Variants in C8orf76 observed in about 807,000 individuals in gnomAD.
C8orf76 encodes the protein uncharacterized protein C8orf76.
In C8orf76, 46 loss-of-function variants were observed where a neutral mutation model predicts 38.1. The ratio of observed to expected loss-of-function variants is 1.21; its 90% CI spans 0.95 to 1.54. The LOEUF is 1.54. C8orf76 is among the 40% of genes most tolerant of loss of function. The pLI is 0.00. For missense variants in C8orf76, 461 were observed against 441.6 expected (o/e 1.04, Z -0.39); for synonymous variants, 166 against 167.5 (o/e 0.99, Z 0.07).
At chr8:123,240,076 G>C (rs528472309) in intron 1 of C8orf76, 1 of 152,194 alleles carries the variant, frequency 6.6e-6, no homozygotes, top group Non-Finnish European at 1.5e-5. Flanking sequence ...ATCTGACAAA[G>C]TATTTTCATA....
intron 3 of C8orf76, among the ~76,000 whole-genome samples, chr8:123,234,418 T>C (rs1274279219): frequency 6.6e-6 from 1 of 152,138 alleles, no homozygotes; most frequent in Non-Finnish European, 1.5e-5. Flanking sequence ...GCAGATCACT[T>C]GAGGTCAGGA....
intron 3 of C8orf76, among the ~76,000 whole-genome samples, chr8:123,236,143 G>A (rs545163654): frequency 2.2e-4 from 33 of 152,294 alleles, no homozygotes; most frequent in African/African-American, 7.7e-4. Flanking sequence ...AGAGGCTGAG[G>A]TCCTATGCAG....
chr8:123,229,700 A>G (rs1304915314), intron 4 of C8orf76, among the ~76,000 whole-genome samples: 5 of 152,240 alleles, frequency 3.3e-5, no homozygotes, highest in Non-Finnish European at 4.4e-5. Flanking sequence ...AATCTAAACA[A>G]GCATCCACTG....
chr8:123,237,782 C>A lies in C8orf76; in HGVS notation c.357+16G>T. 6.2e-7 allele frequency: 1 copy of A among 1,606,012 alleles called. No individual in the cohort carries two copies. Among genetic ancestry groups the A allele is most frequent in the Admixed American group, 1.7e-5 (1 of 57,836 alleles). On this transcript the variant is annotated intron_variant, in intron 3 of 5. Transcript: ENST00000276704. ...TTATAGGAATGTGTGTGAAAATAAG[C>A]AATAAAATCACTCACCAAGTTTGCA...
intron 2 of C8orf76, 67 bp downstream of exon 2, chr8:123,238,982 T>C: frequency 6.7e-7 from 1 of 1,491,872 alleles, no homozygotes; most frequent in Non-Finnish European, 9.3e-7. Context: ...CTTGGTACAC[T>C]GTTATTTACA....
At position 123,226,759 on chromosome 8, in the gene C8orf76, C is replaced by T. The variant is rs964717004; in HGVS notation, c.816-127G>A. 8.8e-6 allele frequency: 12 copies of T among 1,365,448 alleles called. No individual in the cohort carries two copies. In the African/African-American group the frequency reaches 1.8e-4, roughly 20 times the overall value. The allele number at this position is 1,365,448 out of a possible 1,614,324, so 84.6% of individuals were successfully genotyped here. A position where few individuals can be genotyped will look rare whatever the true frequency, so the allele number is the denominator to read the frequency against. ...CTGCAAGTCCCACCAGGTTAAAAAGCAGGTACCCACCCTCACTAGAACTAT... is the reference window on the plus strand; with the variant it reads ...CTGCAAGTCCCACCAGGTTAAAAAGTAGGTACCCACCCTCACTAGAACTAT... On this transcript the variant is annotated intron_variant, in intron 4 of 5. Transcript: ENST00000276704.
Position 123,220,300 on chromosome 8 carries a change from A to G in C8orf76, c.949-3T>C, listed in dbSNP as rs1306381734. 1.1e-5 allele frequency: 17 copies of G among 1,544,094 alleles called. No individual in the cohort carries two copies. The highest frequency in any genetic ancestry group is 1.7e-4 in the Middle Eastern group (1 of 5,766). On this transcript the variant is annotated splice_polypyrimidine_tract_variant and splice_region_variant and intron_variant, in intron 5 of 5. Transcript: ENST00000276704. The stretch of plus-strand genomic sequence containing the variant: ...TCTGGGATATCTTCTCCCATAACCT[A>G]TAACAGGAGGAAAAAAAAAAACTGT...
chr8:123,238,975 G>A (rs1825590801), intron 2 of C8orf76, 74 bp downstream of exon 2: 6 of 1,437,358 alleles, frequency 4.2e-6, no homozygotes, highest in African/African-American at 2.8e-5. Context: ...ACACTAACTT[G>A]GTACACTGTT....
chr8:123,222,749 C>T (rs1432372593), intron 5 of C8orf76, among the ~76,000 whole-genome samples: 5 of 152,110 alleles, frequency 3.3e-5, no homozygotes, highest in Non-Finnish European at 4.4e-5. Flanking sequence ...AAAAACATTA[C>T]ATTTTTATCT....
At chr8:123,223,330 G>A (rs188863122) in intron 5 of C8orf76, among the ~76,000 whole-genome samples, 7 of 152,336 alleles carry the variant, frequency 4.6e-5, no homozygotes, top group East Asian at 3.9e-4. Context: ...AGACTTAGCC[G>A]GGTGCAGTGG....
Position 123,231,425 on chromosome 8 carries a change from C to T in C8orf76, c.690G>A (p.Ala230=), listed in dbSNP as rs142084336. The change falls in exon 4 of 6, where the codon GCG becomes GCA. Residue 230 remains alanine, a synonymous_variant. Transcript: ENST00000276704. ...LPESSLFSVE[A]NSSNSQKNEK... is the part of the protein sequence containing the mutation. Reference sequence around the variant, plus strand: ...CATTTTTCTGGCTATTACTGCTATTCGCTTCCACAGAAAATAAAGAGCTCT... The same window carrying T: ...CATTTTTCTGGCTATTACTGCTATTTGCTTCCACAGAAAATAAAGAGCTCT... 5.0e-6 allele frequency: 8 copies of T among 1,614,146 alleles called. No homozygotes were observed. Among genetic ancestry groups the T allele is most frequent in the African/African-American group, 4.0e-5 (3 of 75,030 alleles).
chr8:123,241,222 C>T lies in C8orf76; in HGVS notation c.117+8G>A, dbSNP rs575134784. The T allele has an allele frequency of 3.2e-6, 5 of 1,585,588 alleles. No homozygotes were observed. The South Asian group carries it at 3.4e-5, about 11-fold the overall frequency. ...CCGGGATAAGGCGAAGAGGCCCCAGCTTCTCACCTGCGGCTCGCAGAGCTT... is the reference window on the plus strand; with the variant it reads ...CCGGGATAAGGCGAAGAGGCCCCAGTTTCTCACCTGCGGCTCGCAGAGCTT... On this transcript the variant is annotated splice_region_variant and intron_variant, in intron 1 of 5. Coordinates refer to ENST00000276704, the MANE Select transcript of C8orf76 (RefSeq NM_032847.3).
chr8:123,233,892 G>A (rs1025043334), intron 3 of C8orf76, among the ~76,000 whole-genome samples: 3 of 151,938 alleles, frequency 2.0e-5, no homozygotes, highest in Admixed American at 6.6e-5. Flanking sequence ...GCTAGGTGTG[G>A]TGGCGGGCAC....
chr8:123,230,552 C>T (rs1563799258), intron 4 of C8orf76, among the ~76,000 whole-genome samples: 1 of 152,094 alleles, frequency 6.6e-6, no homozygotes. Flanking sequence ...GTGGTGTGAT[C>T]TCAGCTCACT....
intron 3 of C8orf76, chr8:123,236,901 TC>T: frequency 1.9e-6 from 2 of 1,079,764 alleles, no homozygotes; most frequent in Non-Finnish European, 2.9e-6. Context: ...ACCCTTGAGA[TC>T]GAGCCCAGCA....
intron 5 of C8orf76, among the ~76,000 whole-genome samples, chr8:123,224,388 G>A (rs947462045): frequency 6.6e-6 from 1 of 152,100 alleles, no homozygotes; most frequent in Non-Finnish European, 1.5e-5. Flanking sequence ...AAGGCGGGAC[G>A]ATCATTTGAG....
intron 3 of C8orf76, among the ~76,000 whole-genome samples, chr8:123,232,505 C>A (rs1031134615): frequency 6.6e-6 from 1 of 152,212 alleles, no homozygotes; most frequent in African/African-American, 2.4e-5. Context: ...GAGCAGATGG[C>A]AGACTCAAAT....
At chr8:123,227,742 A>C (rs1825096540) in intron 4 of C8orf76, among the ~76,000 whole-genome samples, 1 of 152,014 alleles carries the variant, frequency 6.6e-6, no homozygotes, top group Admixed American at 6.5e-5. Flanking sequence ...GTGGGAAAAA[A>C]AAGCAGGGCC....
At chr8:123,240,178 C>G (rs1825634169) in intron 1 of C8orf76, among the ~76,000 whole-genome samples, 1 of 143,206 alleles carries the variant, frequency 7.0e-6, no homozygotes, top group African/African-American at 3.1e-5. Context: ...ACCTTCAAGG[C>G]AAGTGGTTAA....
Sources: gnomAD v4.1 joint callset for allele counts (sites outside exome capture counted in the v4.1 genomes callset) on GRCh38, gnomAD v4.1.1 for gene constraint, MANE v1.5 for transcripts, NCBI Gene and HGNC (gene_info 2026-07-23, HGNC 2026-07-21) for gene names.